Variants in ARHGAP15 observed in about 807,000 individuals in gnomAD.
The protein encoded by ARHGAP15 is Rho GTPase activating protein 15.
A neutral mutation model predicts 63.7 loss-of-function variants in ARHGAP15; 51 were observed. That is an observed-to-expected ratio of 0.80 (90% CI 0.64 to 1.01). The LOEUF (loss-of-function observed/expected upper bound fraction) is 1.01, where lower values mean the gene tolerates loss of function less well. ARHGAP15 is among the 50% of genes least tolerant of loss of function. ARHGAP15 has a pLI of 0.00. For missense variants in ARHGAP15, 560 were observed against 564.6 expected (o/e 0.99, Z 0.08); for synonymous variants, 191 against 193.8 (o/e 0.99, Z 0.12).
At chr2:143,205,039 C>T (rs1417356093) in intron 3 of ARHGAP15, among the ~76,000 whole-genome samples, 3 of 151,550 alleles carry the variant, frequency 2.0e-5, no homozygotes, top group East Asian at 1.9e-4. Flanking sequence ...GAGGAGGGGG[C>T]TCACTTTAGG....
At chr2:143,761,027 A>G (rs1193211297) in intron 13 of ARHGAP15, among the ~76,000 whole-genome samples, 1 of 152,174 alleles carries the variant, frequency 6.6e-6, no homozygotes, top group Non-Finnish European at 1.5e-5. Flanking sequence ...TTTCTGGCAT[A>G]CAACTATAAC....
At chr2:143,348,688 C>G (rs72617090) in intron 6 of ARHGAP15, among the ~76,000 whole-genome samples, 14,657 of 152,134 alleles carry the variant, frequency 0.096, 1,062 homozygotes, top group East Asian at 0.41. Flanking sequence ...TTTACATGTG[C>G]GACTATTCTC....
rs1170328812 is a variant in ARHGAP15 at position 143,257,089 on chromosome 2, T to A, written c.474+6489T>A. The stretch of plus-strand genomic sequence containing the variant: ...CTAGAATTAAGATTTATAAACTAAG[T>A]GTATCGTTAGGGAAAACAACACGAA... On this transcript the variant is annotated intron_variant, in intron 6 of 13. Transcript: ENST00000295095. 3.3e-5 allele frequency among the ~76,000 whole-genome samples: 5 copies of A among 152,134 alleles called. No homozygotes were observed. In the East Asian group the frequency reaches 9.6e-4, roughly 29 times the overall value.
intron 8 of ARHGAP15, among the ~76,000 whole-genome samples, chr2:143,470,980 C>A (rs112118785): frequency 0.071 from 10,044 of 141,688 alleles, 519 homozygotes; most frequent in East Asian, 0.22. Context: ...TACATACACA[C>A]GTGTATCATA....
intron 11 of ARHGAP15, among the ~76,000 whole-genome samples, chr2:143,619,716 C>T (rs1288933570): frequency 6.6e-6 from 1 of 152,120 alleles, no homozygotes; most frequent in Non-Finnish European, 1.5e-5. Flanking sequence ...CTCTTGCTGT[C>T]CTCGTGATAG....
intron 6 of ARHGAP15, among the ~76,000 whole-genome samples, chr2:143,379,536 A>T (rs1055004385): frequency 6.8e-4 from 79 of 116,070 alleles, no homozygotes; most frequent in South Asian, 1.3e-3. Flanking sequence ...TGTGTGTATG[A>T]GAGAGAGAGA....
At position 143,768,024 on chromosome 2, in the gene ARHGAP15, C is replaced by T. The variant is rs760147596; in HGVS notation, c.1280C>T (p.Thr427Met). ...VAKASKNLMS[T>M]QSLGIVFGPT... Reference sequence around the variant, plus strand: ...AAAGCCTCCAAGAACCTCATGTCCACGCAAAGCTTGGGGATTGTATTTGGA... The same window carrying T: ...AAAGCCTCCAAGAACCTCATGTCCATGCAAAGCTTGGGGATTGTATTTGGA... The change falls in exon 14 of 14, where the codon ACG (threonine) becomes ATG (methionine). Residue 427 changes from threonine (T) to methionine (M), a missense_variant. By Grantham distance (81) the Thr-to-Met change is moderately conservative (BLOSUM62 -1). Transcript: ENST00000295095. 2.2e-5 allele frequency: 36 copies of T among 1,613,414 alleles called. No homozygotes were observed. The highest frequency in any genetic ancestry group is 3.3e-5 in the Admixed American group (2 of 59,952).
chr2:143,411,455 C>T (rs1688443873), intron 6 of ARHGAP15, among the ~76,000 whole-genome samples: 1 of 152,146 alleles, frequency 6.6e-6, no homozygotes, highest in Non-Finnish European at 1.5e-5. Context: ...ATCATTGTGA[C>T]ATGGACTTTG....
intron 1 of ARHGAP15, among the ~76,000 whole-genome samples, chr2:143,131,577 AAGAT>A (rs746929040): frequency 3.3e-5 from 5 of 152,156 alleles, no homozygotes; most frequent in African/African-American, 4.8e-5. Flanking sequence ...GGTACCTAGA[AAGAT>A]AGACCCTTCC....
At chr2:143,711,726 C>G (rs1272810191) in intron 13 of ARHGAP15, among the ~76,000 whole-genome samples, 1 of 152,084 alleles carries the variant, frequency 6.6e-6, no homozygotes, top group Non-Finnish European at 1.5e-5. Flanking sequence ...CTCAGGAATT[C>G]CAGATCAGCC....
At chr2:143,591,983 A>G (rs549167434) in intron 11 of ARHGAP15, among the ~76,000 whole-genome samples, 21 of 152,076 alleles carry the variant, frequency 1.4e-4, no homozygotes, top group Non-Finnish European at 2.1e-4. Flanking sequence ...CACTTTTATC[A>G]CTTTATTTTG....
intron 5 of ARHGAP15, among the ~76,000 whole-genome samples, chr2:143,248,203 A>G (rs574677937): frequency 1.3e-5 from 2 of 152,278 alleles, no homozygotes; most frequent in East Asian, 1.9e-4. Flanking sequence ...CAGCTCTTTT[A>G]TATAAAAGAC....
At chr2:143,621,161 G>C (rs1698634511) in intron 11 of ARHGAP15, among the ~76,000 whole-genome samples, 1 of 152,098 alleles carries the variant, frequency 6.6e-6, no homozygotes, top group Non-Finnish European at 1.5e-5. Context: ...ATAAAGGTCA[G>C]GGATACTGCT....
At chr2:143,663,345 C>G (rs1190277106) in intron 12 of ARHGAP15, among the ~76,000 whole-genome samples, 1 of 151,454 alleles carries the variant, frequency 6.6e-6, no homozygotes, top group African/African-American at 2.4e-5. Flanking sequence ...AAATAAAATA[C>G]TTTACAGACA....
intron 12 of ARHGAP15, among the ~76,000 whole-genome samples, chr2:143,676,991 C>T (rs1383928640): frequency 1.3e-5 from 2 of 152,208 alleles, no homozygotes; most frequent in East Asian, 3.9e-4. Context: ...AAGATTTGTG[C>T]ATTTCAGTGT....
At chr2:143,459,354 C>T (rs950386596) in intron 8 of ARHGAP15, among the ~76,000 whole-genome samples, 3 of 152,000 alleles carry the variant, frequency 2.0e-5, no homozygotes, top group Non-Finnish European at 2.9e-5. Flanking sequence ...GGGAAGGATG[C>T]TTTATTTGCC....
intron 6 of ARHGAP15, among the ~76,000 whole-genome samples, chr2:143,287,437 T>G (rs1236354633): frequency 6.6e-6 from 1 of 151,978 alleles, no homozygotes; most frequent in East Asian, 1.9e-4. Context: ...ATATCCCAGA[T>G]GTGTCATTGA....
At chr2:143,159,672 A>C (rs1201786343) in intron 2 of ARHGAP15, among the ~76,000 whole-genome samples, 2 of 151,982 alleles carry the variant, frequency 1.3e-5, no homozygotes, top group Non-Finnish European at 2.9e-5. Flanking sequence ...TCAGGCAGGC[A>C]TGTGTAACAG....
intron 6 of ARHGAP15, among the ~76,000 whole-genome samples, chr2:143,266,987 T>C (rs1344422802): frequency 6.6e-6 from 1 of 152,150 alleles, no homozygotes; most frequent in Non-Finnish European, 1.5e-5. Context: ...TCTGGAAGGG[T>C]GTGACAAGCA....
Sources: allele counts gnomAD v4.1 joint callset (sites outside exome capture counted in the v4.1 genomes callset), GRCh38; gene constraint gnomAD v4.1.1; transcripts MANE v1.5; gene names NCBI Gene and HGNC (gene_info 2026-07-23, HGNC 2026-07-21).